DYNAP: variants seen among roughly 807,000 people sequenced by gnomAD.
DYNAP encodes dynactin-associated protein.
Under a neutral mutation model 8.5 loss-of-function variants are expected in DYNAP, and 7 were observed. The ratio of observed to expected loss-of-function variants is 0.82; its 90% confidence interval spans 0.47 to 1.54. DYNAP has a LOEUF of 1.54. Ranked by LOEUF, DYNAP falls within the 40% of genes most tolerant of loss-of-function variation. The pLI is 0.01. For synonymous variants in DYNAP, 77 were observed against 77.9 expected (o/e 0.99, Z 0.06); for missense variants, 256 against 224.3 (o/e 1.14, Z -0.90).
At chr18:54,579,707 C>T in the DYNAP span, among the ~76,000 whole-genome samples, 1 of 152,100 alleles carries the variant, frequency 6.6e-6, no homozygotes. Flanking sequence ...TAGGAGATTT[C>T]CCCCTTATTT....
upstream of DYNAP, chr18:54,591,031 G>GAGTAGTCACAAAAGCTTTCAGAGGA (rs1911048644): frequency 7.9e-6 from 4 of 503,910 alleles, no homozygotes; most frequent in Non-Finnish European, 1.3e-5. Context: ...TTTTCAGAGG[G>GAGTAGTCACAAAAGCTTTCAGAGGA]AGTAGTCACA....
the DYNAP span, among the ~76,000 whole-genome samples, chr18:54,576,408 T>C: frequency 6.6e-6 from 1 of 152,142 alleles, no homozygotes; most frequent in Non-Finnish European, 1.5e-5. Context: ...GACTTGGTAA[T>C]GTCAATCTTT....
At chr18:54,589,916 G>A (rs1271410099), upstream of DYNAP, among the ~76,000 whole-genome samples, 1 of 151,932 alleles carries the variant, frequency 6.6e-6, no homozygotes, top group Admixed American at 6.6e-5. Flanking sequence ...ACCCATGTTG[G>A]TCCCTTGTAC....
Position 54,598,090 on chromosome 18 carries a change from C to T in DYNAP, c.500C>T (p.Thr167Ile). Residue 167 changes from threonine (T) to isoleucine (I), a missense_variant, in exon 3 of 3, where the codon ACA becomes ATA. Coordinates refer to ENST00000648945, the MANE Select transcript of DYNAP (RefSeq NM_173629.3). ...ACTGAATCTACAACTTCAACAGCTA[C>T]AGCTGCCACCACTTCCACAGAACCT... Reference protein sequence around the residue: ...TATESTTSTATAATTSTEPIT... With the variant: ...TATESTTSTAIAATTSTEPIT... The T allele has an allele frequency of 6.2e-7, 1 of 1,613,134 alleles. No individual in the cohort carries two copies. Among genetic ancestry groups the T allele is most frequent in the Non-Finnish European group, 8.5e-7 (1 of 1,179,472 alleles).
chr18:54,588,588 A>G (rs1191994378), upstream of DYNAP, among the ~76,000 whole-genome samples: 1 of 152,196 alleles, frequency 6.6e-6, no homozygotes, highest in East Asian at 1.9e-4. Flanking sequence ...TACATTTGGA[A>G]TTGGAAAATT....
At chr18:54,576,801 CCAACAACAACAACAACAACAA>C in the DYNAP span, among the ~76,000 whole-genome samples, 59 of 149,692 alleles carry the variant, frequency 3.9e-4, 1 homozygote, top group Admixed American at 8.0e-4. Context: ...AGATCTTATC[CCAACAACAACAACAACAACAA>C]CAACAACAAC....
the DYNAP span, among the ~76,000 whole-genome samples, chr18:54,580,755 T>G: frequency 6.6e-6 from 1 of 152,228 alleles, no homozygotes; most frequent in South Asian, 2.1e-4. Flanking sequence ...CCTGAAGCAA[T>G]GGCCAACAAT....
upstream of DYNAP, among the ~76,000 whole-genome samples, chr18:54,585,949 A>G (rs181250991): frequency 6.6e-6 from 1 of 152,156 alleles, no homozygotes; most frequent in African/African-American, 2.4e-5. Flanking sequence ...TGGCTACTGC[A>G]GCCCTGAACA....
upstream of DYNAP, among the ~76,000 whole-genome samples, chr18:54,583,256 T>C (rs948114412): frequency 2.0e-5 from 3 of 152,190 alleles, no homozygotes; most frequent in African/African-American, 4.8e-5. Flanking sequence ...AAGCCACATT[T>C]TCCTGCAGCT....
At position 54,599,035 on chromosome 18, in the gene DYNAP, C is replaced by T. The variant is rs1399936173; in HGVS notation, c.*890C>T. ...TTTACCTATAGCCTGGAAGCCCCAA[C>T]TTTGAGTTGTCCTGCCTTTCTGAAC... On this transcript the variant is annotated 3_prime_UTR_variant, in exon 3 of 3. Coordinates refer to ENST00000648945, the MANE Select transcript of DYNAP (RefSeq NM_173629.3). 1.3e-5 allele frequency: 2 copies of T among 152,144 alleles called. No homozygotes were observed. Among genetic ancestry groups the T allele is most frequent in the African/African-American group, 4.8e-5 (2 of 41,434 alleles). 9.4% of individuals were successfully genotyped at this position (152,144 alleles called of 1,614,324 possible).
At position 54,599,102 on chromosome 18, in the gene DYNAP, T is replaced by C. The variant is rs908772763; in HGVS notation, c.*957T>C. On this transcript the variant is annotated 3_prime_UTR_variant, in exon 3 of 3. Coordinates refer to ENST00000648945, the MANE Select transcript of DYNAP (RefSeq NM_173629.3). ...TTAAATGTATTTGATTGATGTCTCATGTCTCCCTAAAAATATATAAAACCA... is the reference window on the plus strand; with the variant it reads ...TTAAATGTATTTGATTGATGTCTCACGTCTCCCTAAAAATATATAAAACCA... 1 of 152,172 alleles carries C rather than the reference T, an allele frequency of 6.6e-6. No individual in the cohort carries two copies. The highest frequency in any genetic ancestry group is 1.5e-5 in the Non-Finnish European group (1 of 68,020). 9.4% of individuals were successfully genotyped at this position (152,172 alleles called of 1,614,324 possible).
At chr18:54,578,781 T>A in the DYNAP span, among the ~76,000 whole-genome samples, 18 of 152,158 alleles carry the variant, frequency 1.2e-4, no homozygotes, top group South Asian at 4.1e-4. Flanking sequence ...GCAATTTTTT[T>A]ATTTTATTTT....
chr18:54,584,061 A>G (rs1412032121), upstream of DYNAP, among the ~76,000 whole-genome samples: 1 of 152,020 alleles, frequency 6.6e-6, no homozygotes, highest in Non-Finnish European at 1.5e-5. Flanking sequence ...CACCATACAC[A>G]TGAGCAAGGT....
At chr18:54,595,297 C>T (rs1911243067) in intron 2 of DYNAP, among the ~76,000 whole-genome samples, 194 bp downstream of exon 2, 1 of 152,100 alleles carries the variant, frequency 6.6e-6, no homozygotes, top group Non-Finnish European at 1.5e-5. Context: ...TTGCTAGTCT[C>T]TGTTTTCCAA....
chr18:54,597,109 C>T (rs1358174389), intron 2 of DYNAP, among the ~76,000 whole-genome samples: 1 of 151,988 alleles, frequency 6.6e-6, no homozygotes, highest in African/African-American at 2.4e-5. Context: ...TTTCTAAATT[C>T]TAAATTCTAT....
chr18:54,598,312 A>G lies in DYNAP; in HGVS notation c.*167A>G. The G allele has an allele frequency of 1.5e-6, 1 of 668,716 alleles. No homozygotes were observed. Among genetic ancestry groups the G allele is most frequent in the East Asian group, 2.8e-5 (1 of 36,282 alleles). 41.4% of individuals were successfully genotyped at this position (668,716 alleles called of 1,614,324 possible). Reference sequence around the variant, plus strand: ...CTTCAACAAAATCAAGTCCTACTTCAACTTAAACTTACTTGACAACTCAAA... The same window carrying G: ...CTTCAACAAAATCAAGTCCTACTTCGACTTAAACTTACTTGACAACTCAAA... On this transcript the variant is annotated 3_prime_UTR_variant, in exon 3 of 3. Transcript: ENST00000648945.
At chr18:54,584,136 T>C (rs1910801421), upstream of DYNAP, among the ~76,000 whole-genome samples, 1 of 151,870 alleles carries the variant, frequency 6.6e-6, no homozygotes. Flanking sequence ...TGAATATTCA[T>C]ACAACTTTGG....
chr18:54,594,999 A>G lies in DYNAP; in HGVS notation c.118A>G (p.Asn40Asp), dbSNP rs1384970175. 2.5e-6 allele frequency: 4 copies of G among 1,612,618 alleles called. No homozygotes were observed. The highest frequency in any genetic ancestry group is 3.4e-6 in the Non-Finnish European group (4 of 1,179,146). ...HSSICWCLPS[N>D]DITSDVSPNL... is the part of the protein sequence containing the mutation. ...TTCCATATGCTGGTGTCTACCTTCAAATGATATAACCAGTGATGTCTCTCC... is the reference window on the plus strand; with the variant it reads ...TTCCATATGCTGGTGTCTACCTTCAGATGATATAACCAGTGATGTCTCTCC... Residue 40 changes from asparagine to aspartate, a missense_variant, in exon 2 of 3, where the codon AAT (asparagine) becomes GAT (aspartate). Transcript: ENST00000648945.
the DYNAP span, among the ~76,000 whole-genome samples, chr18:54,576,051 A>G: frequency 3.7e-4 from 57 of 152,312 alleles, 2 homozygotes; most frequent in South Asian, 5.8e-3. Context: ...AACATGCAAC[A>G]TGTTGCTGCT....
Sources: allele counts gnomAD v4.1 joint callset (sites outside exome capture counted in the v4.1 genomes callset), GRCh38; gene constraint gnomAD v4.1.1; transcripts MANE v1.5; gene names NCBI Gene and HGNC (gene_info 2026-07-23, HGNC 2026-07-21).